IQCK: variants seen among roughly 807,000 people sequenced by gnomAD.
The protein encoded by IQCK is IQ motif containing K, also known as IQ domain-containing protein K.
Under a neutral mutation model 28.1 loss-of-function variants are expected in IQCK, and 29 were observed. That is an observed-to-expected ratio of 1.03 (90% confidence interval 0.77 to 1.41). IQCK has a LOEUF of 1.41. Among genes scored for constraint, IQCK ranks in the 40% most tolerant of loss-of-function variants. The probability of loss-of-function intolerance (pLI) is 0.00; values close to 1 mark genes in which losing one functional copy is unlikely to be tolerated. For synonymous variants in IQCK, 113 were observed against 115.1 expected (o/e 0.98, Z 0.12); for missense variants, 359 against 314.7 (o/e 1.14, Z -1.07).
chr16:19,793,629 G>A (rs1451150879), intron 7 of IQCK, among the ~76,000 whole-genome samples: 3 of 95,176 alleles, frequency 3.2e-5, no homozygotes, highest in South Asian at 4.0e-4. Context: ...AATGCCTATC[G>A]AAATCTCAGT....
intron 1 of IQCK, among the ~76,000 whole-genome samples, chr16:19,726,317 T>C (rs566699415): frequency 6.6e-6 from 1 of 152,336 alleles, no homozygotes; most frequent in East Asian, 1.9e-4. Context: ...GTTGAAAAAC[T>C]TTTAATGTAT....
At chr16:19,793,641 G>A (rs1037422590) in intron 7 of IQCK, among the ~76,000 whole-genome samples, 3 of 94,120 alleles carry the variant, frequency 3.2e-5, no homozygotes, top group East Asian at 3.2e-4. Context: ...AATCTCAGTT[G>A]GGTTTTTTTT....
chr16:19,838,356 A>G (rs1208629632), intron 9 of IQCK, among the ~76,000 whole-genome samples: 1 of 152,180 alleles, frequency 6.6e-6, no homozygotes, highest in Non-Finnish European at 1.5e-5. Context: ...AATTTGGGAA[A>G]GTTTGGAGGA....
intron 4 of IQCK, among the ~76,000 whole-genome samples, chr16:19,742,479 A>AT (rs111564474): frequency 0.052 from 7,865 of 152,160 alleles, 669 homozygotes; most frequent in African/African-American, 0.18. Flanking sequence ...TGCACAACAG[A>AT]TTCACATTTT....
chr16:19,736,037 G>A (rs377704267), intron 4 of IQCK: 1 of 450,698 alleles, frequency 2.2e-6, no homozygotes, highest in African/African-American at 2.0e-5. Flanking sequence ...CTGCACTCCA[G>A]CCTGGGCAAT....
At chr16:19,766,513 CAGGAACCAAAGTTCTTAAGG>C (rs1156547849) in intron 6 of IQCK, among the ~76,000 whole-genome samples, 1 of 152,216 alleles carries the variant, frequency 6.6e-6, no homozygotes, top group Non-Finnish European at 1.5e-5. Context: ...GAGAAGCAAG[CAGGAACCAAAGTTCTTAAGG>C]AGAACAAGGG....
chr16:19,752,808 C>G (rs1389886310), intron 4 of IQCK, among the ~76,000 whole-genome samples: 2 of 152,186 alleles, frequency 1.3e-5, no homozygotes, highest in Admixed American at 1.3e-4. Flanking sequence ...AAATGATCCA[C>G]TTGCCTCAGC....
intron 4 of IQCK, among the ~76,000 whole-genome samples, chr16:19,751,221 A>G (rs1167509329): frequency 6.6e-6 from 1 of 152,292 alleles, no homozygotes; most frequent in Admixed American, 6.5e-5. Flanking sequence ...GGCCAAGCAC[A>G]GTAGTTCACA....
At chr16:19,732,128 C>T (rs113532746) in intron 2 of IQCK, among the ~76,000 whole-genome samples, 20 of 152,198 alleles carry the variant, frequency 1.3e-4, no homozygotes, top group African/African-American at 4.8e-4. Flanking sequence ...CCAATGGTGC[C>T]TGCCCACATT....
intron 4 of IQCK, among the ~76,000 whole-genome samples, chr16:19,735,934 C>T (rs145693912): frequency 1.4e-4 from 22 of 152,070 alleles, no homozygotes; most frequent in African/African-American, 5.1e-4. Context: ...GGTGTGGTGG[C>T]GCATACCTGT....
At chr16:19,773,450 G>A (rs1386614520) in intron 6 of IQCK, among the ~76,000 whole-genome samples, 5 of 152,112 alleles carry the variant, frequency 3.3e-5, no homozygotes, top group Admixed American at 3.3e-4. Context: ...CAAAGCCTTG[G>A]GTTTGTTCTA....
At chr16:19,731,558 C>A (rs1977839016) in intron 2 of IQCK, among the ~76,000 whole-genome samples, 1 of 152,244 alleles carries the variant, frequency 6.6e-6, no homozygotes, top group South Asian at 2.1e-4. Context: ...CTCTGTGCTT[C>A]TTCCAGGGTC....
intron 6 of IQCK, among the ~76,000 whole-genome samples, chr16:19,771,042 A>G (rs2055313303): frequency 6.6e-6 from 1 of 152,220 alleles, no homozygotes; most frequent in Non-Finnish European, 1.5e-5. Flanking sequence ...TCGCATCTGC[A>G]AAGTTTCTTT....
chr16:19,744,836 C>T (rs759897398), intron 4 of IQCK, among the ~76,000 whole-genome samples: 1 of 152,130 alleles, frequency 6.6e-6, no homozygotes, highest in African/African-American at 2.4e-5. Flanking sequence ...AGGTAAATAA[C>T]GGAAAATGAT....
intron 4 of IQCK, among the ~76,000 whole-genome samples, chr16:19,746,001 C>A (rs1049970581): frequency 6.6e-6 from 1 of 152,124 alleles, no homozygotes; most frequent in Non-Finnish European, 1.5e-5. Flanking sequence ...ACCAAGTTCT[C>A]TACTAAAAAT....
At chr16:19,771,398 T>TG (rs2055319615) in intron 6 of IQCK, among the ~76,000 whole-genome samples, 1 of 152,242 alleles carries the variant, frequency 6.6e-6, no homozygotes, top group Admixed American at 6.5e-5. Flanking sequence ...GACCAGTTTC[T>TG]GGGAATTTTG....
chr16:19,770,627 T>TG (rs1189854038), intron 6 of IQCK, among the ~76,000 whole-genome samples: 1 of 16,252 alleles, frequency 6.2e-5, no homozygotes, highest in African/African-American at 1.2e-4. Flanking sequence ...GTTTCTCTTT[T>TG]GGGGGGCGGG....
chr16:19,828,752 C>G (rs2056185895), downstream of IQCK, among the ~76,000 whole-genome samples: 1 of 148,946 alleles, frequency 6.7e-6, no homozygotes, highest in Non-Finnish European at 1.5e-5. Flanking sequence ...TGGCGGGCAC[C>G]TGTAATCCCA....
intron 1 of IQCK, among the ~76,000 whole-genome samples, chr16:19,719,792 A>T (rs75784182): frequency 6.6e-6 from 1 of 150,416 alleles, no homozygotes; most frequent in Admixed American, 6.6e-5. Context: ...TCACACCTCA[A>T]TCTCCTGAGT....
Sources: gnomAD v4.1 joint callset for allele counts (sites outside exome capture counted in the v4.1 genomes callset) on GRCh38, gnomAD v4.1.1 for gene constraint, MANE v1.5 for transcripts, NCBI Gene and HGNC (gene_info 2026-07-23, HGNC 2026-07-21) for gene names.